The following TGIF1 variants were observed in gnomAD, a reference collection of about 807,000 sequenced individuals.
TGIF1 encodes TGFB induced factor homeobox 1.
A neutral mutation model predicts 19.3 loss-of-function variants in TGIF1; 4 were observed. The ratio of observed to expected loss-of-function variants is 0.21; its 90% confidence interval spans 0.10 to 0.47. The LOEUF is 0.47. Ranked by LOEUF, TGIF1 falls within the 20% of genes least tolerant of loss-of-function variation. TGIF1 has a pLI of 0.98. For missense variants in TGIF1, 275 were observed against 341.4 expected (o/e 0.81, Z 1.53); for synonymous variants, 122 against 129.3 (o/e 0.94, Z 0.38).
upstream of TGIF1, among the ~76,000 whole-genome samples, chr18:3,445,835 T>C (rs1309594170): frequency 7.0e-6 from 1 of 142,094 alleles, no homozygotes; most frequent in Non-Finnish European, 1.5e-5. Flanking sequence ...GAGGTAGATT[T>C]CAGAGCACAA....
chr18:3,445,744 A>G (rs1226331336), upstream of TGIF1, among the ~76,000 whole-genome samples: 1 of 131,520 alleles, frequency 7.6e-6, no homozygotes, highest in African/African-American at 3.0e-5. Context: ...AAAAAAAAAA[A>G]AAAAAAAAAG....
At chr18:3,428,467 G>T (rs1412044686) in intron 2 of TGIF1, among the ~76,000 whole-genome samples, 2 of 151,958 alleles carry the variant, frequency 1.3e-5, no homozygotes, top group Non-Finnish European at 2.9e-5. Flanking sequence ...GGGTATGGTG[G>T]CGGCTCATGC....
At chr18:3,453,965 T>A (rs1392218394) in intron 1 of TGIF1, 1 of 453,462 alleles carries the variant, frequency 2.2e-6, no homozygotes, top group Admixed American at 6.4e-5. Context: ...TTTTCCAAGC[T>A]GAGCCACAAC....
At position 3,451,752 on chromosome 18, in the gene TGIF1, C is replaced by T. The variant is rs2082944173; in HGVS notation, c.16+1247C>T. ...CGAGAGTGAAATTAAACTTGAAACT[C>T]GGATCAACTGGCAGTCGTTGTTGGT... On this transcript the variant is annotated intron_variant, in intron 1 of 2. Coordinates refer to ENST00000343820, the MANE Select transcript of TGIF1 (RefSeq NM_003244.4). The surrounding 1 kb of genome is among the most constrained non-coding windows in gnomAD (Gnocchi z 5.4). 8.0e-7 allele frequency: 1 copy of T among 1,247,760 alleles called. No individual in the cohort carries two copies. The highest frequency in any genetic ancestry group is 1.0e-6 in the Non-Finnish European group (1 of 997,204). 77.3% of individuals were successfully genotyped at this position (1,247,760 alleles called of 1,614,324 possible). A position where few individuals can be genotyped will look rare whatever the true frequency, so the allele number is the denominator to read the frequency against.
intron 2 of TGIF1, among the ~76,000 whole-genome samples, chr18:3,432,123 C>CAAA (rs751364681): frequency 9.4e-4 from 92 of 97,948 alleles, no homozygotes; most frequent in African/African-American, 3.1e-3. Flanking sequence ...ACAAAACTGT[C>CAAA]AAAAAAAAAA....
At position 3,456,166 on chromosome 18, in the gene TGIF1, C is replaced by A; in HGVS notation, c.17-188C>A. On this transcript the variant is annotated intron_variant, in intron 1 of 2. Coordinates refer to ENST00000343820, the MANE Select transcript of TGIF1 (RefSeq NM_003244.4). The surrounding 1 kb of genome is among the most constrained non-coding windows in gnomAD (Gnocchi z 4.2). ...AAGGCATCTGGCATTTGGTTGAGAG[C>A]CTCCTATGTGGTGCTAGTCAAACTA... 1 of 691,126 alleles carries A rather than the reference C, an allele frequency of 1.4e-6. No individual in the cohort carries two copies. Among genetic ancestry groups the A allele is most frequent in the Non-Finnish European group, 2.6e-6 (1 of 383,608 alleles). The allele number at this position is 691,126 out of a possible 1,614,324, so 42.8% of individuals were successfully genotyped here.
chr18:3,438,371 G>T (rs1281513422), intron 2 of TGIF1, among the ~76,000 whole-genome samples: 1 of 152,114 alleles, frequency 6.6e-6, no homozygotes, highest in Non-Finnish European at 1.5e-5. Flanking sequence ...AGAAGAGAGA[G>T]AAGGTGAGGG....
intron 2 of TGIF1, among the ~76,000 whole-genome samples, chr18:3,430,024 T>C (rs552791448): frequency 8.5e-5 from 13 of 152,172 alleles, no homozygotes; most frequent in Admixed American, 5.9e-4. Flanking sequence ...GGCGTGGTGG[T>C]GGGCACCTGT....
chr18:3,450,424 C>T lies in TGIF1; in HGVS notation c.-66C>T, dbSNP rs1429603838. On this transcript the variant is annotated 5_prime_UTR_variant, in exon 1 of 3. Coordinates refer to ENST00000343820, the MANE Select transcript of TGIF1 (RefSeq NM_003244.4). ...CTGTGAAGGAGACGTTCGCTTATCC[C>T]CTGTGTCCCCGCTCCTGGCCCCTCC... 3 of 1,551,130 alleles carry T rather than the reference C, an allele frequency of 1.9e-6. No homozygotes were observed. The highest frequency in any genetic ancestry group is 1.4e-5 in the African/African-American group (1 of 73,048).
chr18:3,417,526 CTG>C (rs1232666432), intron 1 of TGIF1, among the ~76,000 whole-genome samples: 2 of 152,166 alleles, frequency 1.3e-5, no homozygotes, highest in Non-Finnish European at 2.9e-5. Flanking sequence ...TCATGATACA[CTG>C]TTAGATTAAA....
At position 3,450,269 on chromosome 18, in the gene TGIF1, G is replaced by T; in HGVS notation, c.-221G>T. On this transcript the variant is annotated 5_prime_UTR_variant, in exon 1 of 3. Transcript: ENST00000343820. ...GGCGAGGGAGAGCCCCCGGCCGGCT[G>T]CCAGAAGATCCCGGCGGGAGGAAGC... 2.1e-6 allele frequency: 3 copies of T among 1,433,196 alleles called. No homozygotes were observed. The highest frequency in any genetic ancestry group is 2.7e-6 in the Non-Finnish European group (3 of 1,096,820). The allele number at this position is 1,433,196 out of a possible 1,614,324, so 88.8% of individuals were successfully genotyped here. A position where few individuals can be genotyped will look rare whatever the true frequency, so the allele number is the denominator to read the frequency against.
chr18:3,438,596 A>AACACACACACACAC (rs56864804), intron 2 of TGIF1, among the ~76,000 whole-genome samples: 7,761 of 135,902 alleles, frequency 0.057, 389 homozygotes, highest in East Asian at 0.16. Context: ...CATACACACA[A>AACACACACACACAC]ACACACACAC....
chr18:3,448,512 G>C (rs980136888), upstream of TGIF1: 3 of 989,940 alleles, frequency 3.0e-6, no homozygotes, highest in Non-Finnish European at 3.6e-6. Context: ...CTTGTCCCCA[G>C]GACCGCGCTC....
intron 1 of TGIF1, 147 bp downstream of exon 1, chr18:3,450,652 C>T: frequency 2.7e-6 from 4 of 1,479,498 alleles, no homozygotes; most frequent in Non-Finnish European, 3.6e-6. Flanking sequence ...GTTGAGGCTG[C>T]GTCTGAAACG....
Position 3,451,967 on chromosome 18 carries a change from C to T in TGIF1, c.16+1462C>T. 1.3e-6 allele frequency: 2 copies of T among 1,570,678 alleles called. No individual in the cohort carries two copies. The highest frequency in any genetic ancestry group is 1.2e-5 in the South Asian group (1 of 84,182). The stretch of plus-strand genomic sequence containing the variant: ...GCCTCCCGGGAATAAGTGAGGGGCT[C>T]TGTGTTTCGAGGATGGTTCTAGCGC... On this transcript the variant is annotated intron_variant, in intron 1 of 2. Transcript: ENST00000343820. The surrounding 1 kb of genome is among the most constrained non-coding windows in gnomAD (Gnocchi z 5.4).
rs534356712 is a variant in TGIF1 at position 3,459,409 on chromosome 18, G to C, written c.*1469G>C. On this transcript the variant is annotated 3_prime_UTR_variant, in exon 3 of 3. Coordinates refer to ENST00000343820, the MANE Select transcript of TGIF1 (RefSeq NM_003244.4). ...CAAGAGGCGTAAGAAAATTAGGTGAGGGAATGTTGTGCTCTAGCCTGTGGG... is the reference window on the plus strand; with the variant it reads ...CAAGAGGCGTAAGAAAATTAGGTGACGGAATGTTGTGCTCTAGCCTGTGGG... 2.0e-5 allele frequency: 3 copies of C among 152,316 alleles called. No individual in the cohort carries two copies. The highest frequency in any genetic ancestry group is 7.2e-5 in the African/African-American group (3 of 41,556). The allele number at this position is 152,316 out of a possible 1,614,324, so 9.4% of individuals were successfully genotyped here.
At chr18:3,439,813 G>T (rs2082660088) in intron 2 of TGIF1, among the ~76,000 whole-genome samples, 1 of 151,978 alleles carries the variant, frequency 6.6e-6, no homozygotes, top group African/African-American at 2.4e-5. Flanking sequence ...TTGAGCCCAG[G>T]AGTTCAAGAC....
Position 3,456,397 on chromosome 18 carries a change from C to T in TGIF1, c.60C>T (p.Ser20=), listed in dbSNP as rs145725785. Residue 20 remains serine, a synonymous_variant, in exon 2 of 3, where the codon AGC becomes AGT. Transcript: ENST00000343820. The surrounding 1 kb of genome is among the most constrained non-coding windows in gnomAD (Gnocchi z 4.2). The part of the protein sequence containing the change: ...ASGSETEDED[S]MDIPLDLSSS... ...GCAGTGAGACTGAGGATGAGGACAGCATGGACATTCCCTTGGACCTTTCTT... is the reference window on the plus strand; with the variant it reads ...GCAGTGAGACTGAGGATGAGGACAGTATGGACATTCCCTTGGACCTTTCTT... 640 of 1,614,238 alleles carry T rather than the reference C, an allele frequency of 4.0e-4. 4 individuals are homozygous for T. The African/African-American group carries it at 7.9e-3, about 20-fold the overall frequency.
intron 2 of TGIF1, among the ~76,000 whole-genome samples, chr18:3,431,163 C>T (rs138819109): frequency 6.6e-6 from 1 of 152,260 alleles, no homozygotes; most frequent in East Asian, 1.9e-4. Context: ...ATAATAATAG[C>T]AGGTCTGGCG....
Sources: gnomAD v4.1 joint callset for allele counts (sites outside exome capture counted in the v4.1 genomes callset) on GRCh38, gnomAD v4.1.1 for gene constraint, Gnocchi (gnomAD v3.1) non-coding constraint, MANE v1.5 for transcripts, NCBI Gene and HGNC (gene_info 2026-07-23, HGNC 2026-07-21) for gene names.